Variants in ANK3 observed in about 807,000 individuals in gnomAD.
ANK3 encodes ankyrin-3.
A neutral mutation model predicts 370.9 loss-of-function variants in ANK3; 57 were observed. The ratio of observed to expected loss-of-function variants is 0.15; its 90% CI spans 0.12 to 0.19. The LOEUF is 0.19. ANK3 is among the 10% of genes least tolerant of loss of function. ANK3 has a pLI of 1.00. For missense variants in ANK3, 4,439 were observed against 5,302.1 expected, an observed-to-expected ratio of 0.84 and a Z score of 5.06; for synonymous variants, 1,929 against 1,946.3, an observed-to-expected ratio of 0.99 and a Z score of 0.23.
rs1190791810 is a variant in ANK3, at chr10:60,085,219, T to A, written c.3783A>T (p.Thr1261=). 1.9e-6 allele frequency: 3 copies of A among 1,613,228 alleles called. No homozygotes were observed. Among genetic ancestry groups the A allele is most frequent in the Non-Finnish European group, 2.5e-6 (3 of 1,179,650 alleles). Residue 1261 remains threonine, a synonymous_variant, in exon 31 of 44, where the codon ACA becomes ACT. Transcript: ENST00000280772. ...TTATAAACGTCAAAGGAGTTGTTCC[T>A]GTGATGTCTTCCCACTGAGCAGGCG... is the stretch of plus-strand genomic sequence containing the variant. The part of the protein sequence containing the change: ...GTSPAQWEDI[T]GTTPLTFIKD...
intron 1 of ANK3, among the ~76,000 whole-genome samples, chr10:60,372,723 A>T (rs1243493180): frequency 2.0e-5 from 3 of 152,132 alleles, no homozygotes; most frequent in Non-Finnish European, 4.4e-5. Context: ...TTCCATCTCT[A>T]AGATTCCTTG....
At chr10:60,462,312 A>C (rs763523551) in intron 2 of ANK3, among the ~76,000 whole-genome samples, 7 of 152,210 alleles carry the variant, frequency 4.6e-5, no homozygotes, top group Non-Finnish European at 1.0e-4. Context: ...GATTCTCTAC[A>C]GACAATCTAG....
At chr10:60,540,164 A>AACCACGACTCTAAGACAGTTGATCTTGTT (rs2076815016) in intron 2 of ANK3, among the ~76,000 whole-genome samples, 1 of 151,890 alleles carries the variant, frequency 6.6e-6, no homozygotes, top group Non-Finnish European at 1.5e-5. Flanking sequence ...GGAAATCTGG[A>AACCACGACTCTAAGACAGTTGATCTTGTT]ACCACGACTC....
At chr10:60,374,936 A>G (rs540084054) in intron 1 of ANK3, among the ~76,000 whole-genome samples, 59 of 152,284 alleles carry the variant, frequency 3.9e-4, no homozygotes, top group African/African-American at 1.3e-3. Flanking sequence ...TGAGGTTACA[A>G]AAAAGGAGGT....
upstream of ANK3, chr10:60,389,976 A>G: frequency 2.5e-6 from 1 of 404,870 alleles, no homozygotes; most frequent in Non-Finnish European, 3.3e-6. Context: ...GCTAATTCTG[A>G]AAACCTATTT....
rs1382441823 is a variant in ANK3 at position 60,511,789 on chromosome 10, A to T, written c.96+103397T>A. 1.3e-4 allele frequency among the ~76,000 whole-genome samples: 19 copies of T among 141,654 alleles called. 1 individual carries two copies. The highest frequency in any genetic ancestry group is 2.1e-4 in the East Asian group (1 of 4,758). 92.9% of individuals were successfully genotyped at this position (141,654 alleles called of 152,430 possible). On this transcript the variant is annotated intron_variant, in intron 2 of 43. Coordinates refer to the ANK3 transcript ENST00000373827. ...TATCAGCAGGACAATGGGGAAAGGC[A>T]TTTTTTTTTTTTTTTTAAGGAGAGG...
intron 2 of ANK3, among the ~76,000 whole-genome samples, chr10:60,603,081 T>C (rs1030542587): frequency 2.0e-5 from 3 of 152,144 alleles, no homozygotes; most frequent in African/African-American, 7.2e-5. Flanking sequence ...CAGCAAATGC[T>C]TGTGTCTTGA....
Position 60,049,976 on chromosome 10 carries a change from T to A in ANK3, c.13065+5682A>T, listed in dbSNP as rs1049017206. On this transcript the variant is annotated intron_variant, in intron 42 of 43. Coordinates refer to ENST00000280772, the MANE Select transcript of ANK3 (RefSeq NM_020987.5). Reference sequence around the variant, plus strand: ...GCTATTATAAAGGAATGTGGTGGATTTAGATGTAACATTAGTATGTGATAT... The same window carrying A: ...GCTATTATAAAGGAATGTGGTGGATATAGATGTAACATTAGTATGTGATAT... 3.3e-5 allele frequency among the ~76,000 whole-genome samples: 5 copies of A among 152,200 alleles called. No homozygotes were observed. In the East Asian group the frequency reaches 5.8e-4, roughly 18 times the overall value.
At chr10:60,325,138 C>T (rs2049524357) in intron 1 of ANK3, among the ~76,000 whole-genome samples, 1 of 152,200 alleles carries the variant, frequency 6.6e-6, no homozygotes, top group African/African-American at 2.4e-5. Context: ...AACAATGAAT[C>T]TGAGTATTGT....
chr10:60,303,638 T>C (rs75461057), intron 1 of ANK3, among the ~76,000 whole-genome samples: 1,679 of 152,244 alleles, frequency 0.011, 13 homozygotes, highest in Non-Finnish European at 0.019. Context: ...ACACTGTTGA[T>C]TGGAATGTAA....
At chr10:60,211,730 G>A (rs774031238) in intron 9 of ANK3, among the ~76,000 whole-genome samples, 4 of 151,948 alleles carry the variant, frequency 2.6e-5, no homozygotes, top group East Asian at 1.9e-4. Flanking sequence ...AAACTATACC[G>A]CCTAAGGTAA....
At chr10:60,170,039 T>C (rs761188044) in intron 21 of ANK3, among the ~76,000 whole-genome samples, 93 of 152,192 alleles carry the variant, frequency 6.1e-4, no homozygotes, top group Admixed American at 2.4e-3. Context: ...TTGCTTTTAG[T>C]AGAAAATAGT....
chr10:60,060,502 A>G (rs555692819), intron 40 of ANK3: 2 of 152,386 alleles, frequency 1.3e-5, no homozygotes, highest in East Asian at 1.9e-4. Flanking sequence ...AACTGTACAT[A>G]TGAGCAAAGC....
chr10:60,702,912 T>C (rs1485893045), intron 1 of ANK3, among the ~76,000 whole-genome samples: 1 of 152,124 alleles, frequency 6.6e-6, no homozygotes, highest in Non-Finnish European at 1.5e-5. Flanking sequence ...TTGAATCTGA[T>C]AGAGCTTCTA....
At chr10:60,171,717 G>C (rs965720845) in intron 21 of ANK3, among the ~76,000 whole-genome samples, 1 of 152,182 alleles carries the variant, frequency 6.6e-6, no homozygotes, top group African/African-American at 2.4e-5. Context: ...TAAAAATGTA[G>C]TTGATGCAAT....
At chr10:60,178,482 T>C (rs1202032602) in intron 18 of ANK3, among the ~76,000 whole-genome samples, 2 of 152,192 alleles carry the variant, frequency 1.3e-5, no homozygotes, top group African/African-American at 4.8e-5. Flanking sequence ...GAAAAGCACT[T>C]AGAATAGTAC....
chr10:60,657,018 C>G (rs1418687381), intron 1 of ANK3, among the ~76,000 whole-genome samples: 1 of 152,068 alleles, frequency 6.6e-6, no homozygotes, highest in Non-Finnish European at 1.5e-5. Context: ...GGGCAATTTA[C>G]AAAAGAAAGA....
At chr10:60,644,357 T>G (rs2078678813) in intron 1 of ANK3, among the ~76,000 whole-genome samples, 1 of 152,218 alleles carries the variant, frequency 6.6e-6, no homozygotes. Flanking sequence ...TATTTTAAAA[T>G]GTTTTCAAGT....
At chr10:60,249,871 C>T (rs2097622577) in intron 7 of ANK3, among the ~76,000 whole-genome samples, 2 of 152,148 alleles carry the variant, frequency 1.3e-5, no homozygotes, top group Admixed American at 1.3e-4. Context: ...ACAGGTCACG[C>T]ACTGAGGCGT....
Sources: gnomAD v4.1 joint callset for allele counts (sites outside exome capture counted in the v4.1 genomes callset) on GRCh38, gnomAD v4.1.1 for gene constraint, MANE v1.5 for transcripts, NCBI Gene and HGNC (gene_info 2026-07-23, HGNC 2026-07-21) for gene names.